C5: variants seen among roughly 807,000 people sequenced by gnomAD.
The protein encoded by C5 is C3 and PZP-like alpha-2-macroglobulin domain-containing protein 4.
In C5, 140 loss-of-function variants were observed where a neutral mutation model predicts 218.8. The observed-to-expected ratio is 0.64, with a 90% confidence interval of 0.56 to 0.74. C5 has a LOEUF of 0.74. C5 is among the 30% of genes least tolerant of loss of function. The probability of loss-of-function intolerance (pLI) is 0.00; values close to 1 mark genes in which losing one functional copy is unlikely to be tolerated. For missense variants in C5, 1,700 were observed against 1,969.6 expected (o/e 0.86, Z 2.59); for synonymous variants, 614 against 682.3 (o/e 0.90, Z 1.56).
chr9:120,952,821 C>T lies in C5; in HGVS notation c.4949G>A (p.Arg1650Lys), dbSNP rs145613662. 53 of 1,613,466 alleles carry T rather than the reference C, an allele frequency of 3.3e-5. No homozygotes were observed. In the African/African-American group the frequency reaches 6.4e-4, roughly 20 times the overall value. Reference sequence around the variant, plus strand: ...TTGACACGATGAACATGTTGTGTCTCTAGGCCAGTATTCAATCCAGGTCAA... The same window carrying T: ...TTGACACGATGAACATGTTGTGTCTTTAGGCCAGTATTCAATCCAGGTCAA... ...DSLTWIEYWPRDTTCSSCQAF... is the reference protein window; with the variant it reads ...DSLTWIEYWPKDTTCSSCQAF... Residue 1650 changes from arginine (R) to lysine (K), a missense_variant, in exon 41 of 41, where the codon AGA (arginine) becomes AAA (lysine). Transcript: ENST00000223642.
intron 1 of C5, among the ~76,000 whole-genome samples, chr9:121,047,848 G>T (rs1278851123): frequency 8.8e-5 from 13 of 148,296 alleles, no homozygotes; most frequent in Admixed American, 8.6e-4. Flanking sequence ...AAAATGAGAG[G>T]AGTTCAGTTT....
At chr9:121,002,316 G>GTGTGTGTGTGTATGTATA (rs572345213) in intron 20 of C5, among the ~76,000 whole-genome samples, 5 of 87,396 alleles carry the variant, frequency 5.7e-5, no homozygotes, top group Admixed American at 1.3e-4. Context: ...ATATGTGTGT[G>GTGTGTGTGTGTATGTATA]TATATATATA....
At chr9:120,997,831 C>G in intron 20 of C5, 57 bp from the exon 21 acceptor site, 1 of 1,433,518 alleles carries the variant, frequency 7.0e-7, no homozygotes. Flanking sequence ...GAGACAGAGT[C>G]TTGCTATGTC....
the C5 span, among the ~76,000 whole-genome samples, chr9:121,062,143 T>C: frequency 2.0e-5 from 3 of 152,162 alleles, no homozygotes; most frequent in Non-Finnish European, 4.4e-5. Flanking sequence ...GAGAATGTGG[T>C]CTCTTCAGGC....
At chr9:120,966,456 T>C (rs2046868627) in intron 33 of C5, among the ~76,000 whole-genome samples, 1 of 152,222 alleles carries the variant, frequency 6.6e-6, no homozygotes, top group South Asian at 2.1e-4. Context: ...TGAAGGTCAC[T>C]GGAGTTCTTA....
chr9:121,042,653 T>C (rs1587999206), intron 3 of C5, among the ~76,000 whole-genome samples: 2 of 152,248 alleles, frequency 1.3e-5, no homozygotes, highest in East Asian at 3.8e-4. Context: ...TACAATAATT[T>C]CGCATAGCTA....
the C5 span, among the ~76,000 whole-genome samples, chr9:121,066,628 T>C: frequency 6.6e-6 from 1 of 151,744 alleles, no homozygotes; most frequent in Non-Finnish European, 1.5e-5. Flanking sequence ...ACAGATCACC[T>C]GAGGTCGGGA....
chr9:120,955,939 A>T (rs1171767131), intron 39 of C5, among the ~76,000 whole-genome samples: 1 of 152,110 alleles, frequency 6.6e-6, no homozygotes, highest in East Asian at 1.9e-4. Context: ...AAGAGAAAAA[A>T]ATTTAGTATA....
chr9:120,993,073 A>AAATTTGGCT (rs2047088824), intron 22 of C5, among the ~76,000 whole-genome samples: 1 of 152,264 alleles, frequency 6.6e-6, no homozygotes, highest in African/African-American at 2.4e-5. Context: ...TAAAATCATT[A>AAATTTGGCT]GTAACCAGAA....
intron 3 of C5, among the ~76,000 whole-genome samples, chr9:121,038,633 G>A (rs906155546): frequency 1.3e-5 from 2 of 152,132 alleles, no homozygotes; most frequent in East Asian, 3.8e-4. Context: ...ACTCACAGCT[G>A]TTTGAGACAC....
At chr9:120,976,319 T>A (rs200638580) in intron 29 of C5, among the ~76,000 whole-genome samples, 1 of 152,232 alleles carries the variant, frequency 6.6e-6, no homozygotes, top group East Asian at 1.9e-4. Context: ...TTTATTTCGT[T>A]GTGGAGAAGG....
intron 38 of C5, among the ~76,000 whole-genome samples, chr9:120,957,705 T>C (rs2046796592): frequency 6.6e-6 from 1 of 152,252 alleles, no homozygotes; most frequent in Non-Finnish European, 1.5e-5. Flanking sequence ...GTCATGCCCA[T>C]GGGCATCTTT....
At chr9:120,981,366 C>A (rs2046991453) in intron 27 of C5, among the ~76,000 whole-genome samples, 1 of 152,224 alleles carries the variant, frequency 6.6e-6, no homozygotes, top group African/African-American at 2.4e-5. Context: ...CATCACTTTT[C>A]TCCCGTTTCC....
intron 24 of C5, 85 bp from the exon 25 acceptor site, chr9:120,989,206 A>C (rs1419494762): frequency 9.1e-7 from 1 of 1,097,766 alleles, no homozygotes; most frequent in African/African-American, 1.5e-5. Context: ...TGAGAATGGT[A>C]AGCTTCCTTT....
Position 120,961,473 on chromosome 9 carries a change from A to G in C5, c.4588+9T>C. The G allele has an allele frequency of 6.3e-7, 1 of 1,582,574 alleles. No homozygotes were observed. Among genetic ancestry groups the G allele is most frequent in the Non-Finnish European group, 8.7e-7 (1 of 1,151,266 alleles). ...AGCATGCAGCCTAAATATGTTAAAT[A>G]AAGTTTACCTTCTACACACTTGCAC... On this transcript the variant is annotated intron_variant, in intron 37 of 40. Coordinates refer to ENST00000223642, the MANE Select transcript of C5 (RefSeq NM_001735.3).
rs1256854274 is a variant in C5, at chr9:120,987,665, G to GA, written c.3230+1380dup. 2.2e-4 allele frequency among the ~76,000 whole-genome samples: 32 copies of GA among 147,952 alleles called. No individual in the cohort carries two copies. In the East Asian group the frequency reaches 5.1e-3, roughly 23 times the overall value. Reference sequence around the variant, plus strand: ...AAAAAAAAAAAGAAAAAAGAAAAAAGAAAAAAATCTAAAATTAAAGTATTC... The same window carrying GA: ...AAAAAAAAAAAGAAAAAAGAAAAAAGAAAAAAAATCTAAAATTAAAGTATTC... On this transcript the variant is annotated intron_variant, in intron 25 of 40. Coordinates refer to ENST00000223642, the MANE Select transcript of C5 (RefSeq NM_001735.3).
At chr9:121,028,352 C>T (rs915210253) in intron 7 of C5, among the ~76,000 whole-genome samples, 7 of 152,192 alleles carry the variant, frequency 4.6e-5, no homozygotes, top group African/African-American at 1.7e-4. Context: ...GCGTATATAC[C>T]CAAAGGATTA....
chr9:121,051,323 C>T (rs892444492), upstream of C5, among the ~76,000 whole-genome samples: 7 of 151,896 alleles, frequency 4.6e-5, no homozygotes, highest in Admixed American at 3.3e-4. Flanking sequence ...AGGGTTTCAC[C>T]GTGTTGGCCA....
At chr9:121,061,779 A>G in the C5 span, among the ~76,000 whole-genome samples, 1 of 152,244 alleles carries the variant, frequency 6.6e-6, no homozygotes, top group Non-Finnish European at 1.5e-5. Context: ...TAGTTCATAC[A>G]TGTATATATA....
Sources: allele counts gnomAD v4.1 joint callset (sites outside exome capture counted in the v4.1 genomes callset), GRCh38; gene constraint gnomAD v4.1.1; transcripts MANE v1.5; gene names NCBI Gene and HGNC (gene_info 2026-07-23, HGNC 2026-07-21).